Variants in ESF1 observed in about 807,000 individuals in gnomAD.
The protein encoded by ESF1 is ESF1 nucleolar pre-rRNA processing protein.
In ESF1, 58 loss-of-function variants were observed where a neutral mutation model predicts 92.0. The observed-to-expected ratio is 0.63, with a 90% confidence interval of 0.51 to 0.78. The LOEUF is 0.78. ESF1 is among the 30% of genes least tolerant of loss of function. The probability of loss-of-function intolerance (pLI) is 0.00; values close to 1 mark genes in which losing one functional copy is unlikely to be tolerated. For missense variants in ESF1, 922 were observed against 989.1 expected (o/e 0.93, Z 0.91); for synonymous variants, 321 against 313.7 (o/e 1.02, Z -0.24).
chr20:13,719,107 T>G, intron 11 of ESF1, 123 bp from the exon 12 acceptor site: 1 of 606,366 alleles, frequency 1.6e-6, no homozygotes, highest in Non-Finnish European at 2.6e-6. Flanking sequence ...GTGTTGAAAC[T>G]AAAAGAAAAA....
chr20:13,768,623 G>A (rs922041600), intron 7 of ESF1, among the ~76,000 whole-genome samples: 6 of 150,704 alleles, frequency 4.0e-5, no homozygotes, highest in East Asian at 2.0e-4. Flanking sequence ...GGGGCCAGGC[G>A]CAGTGGCTCA....
At chr20:13,730,613 T>C (rs1275828627) in intron 10 of ESF1, among the ~76,000 whole-genome samples, 5 of 151,564 alleles carry the variant, frequency 3.3e-5, no homozygotes, top group African/African-American at 9.7e-5. Context: ...CTTGATCTCC[T>C]GACCTTGTGA....
intron 8 of ESF1, among the ~76,000 whole-genome samples, chr20:13,761,384 A>T (rs1055735484): frequency 2.0e-5 from 3 of 149,744 alleles, no homozygotes; most frequent in East Asian, 3.9e-4. Flanking sequence ...CAATTAAAAA[A>T]AAATAAATAA....
chr20:13,715,248 T>C, intron 13 of ESF1, 81 bp from the exon 14 acceptor site: 1 of 1,331,992 alleles, frequency 7.5e-7, no homozygotes, highest in Non-Finnish European at 9.9e-7. Context: ...GGGGCCAAAT[T>C]TCGAAAGTTG....
At chr20:13,738,752 A>G (rs2049992283) in intron 9 of ESF1, among the ~76,000 whole-genome samples, 2 of 152,188 alleles carry the variant, frequency 1.3e-5, no homozygotes, top group African/African-American at 4.8e-5. Flanking sequence ...CCATGAGGGC[A>G]AAGGTCATAG....
At chr20:13,722,881 A>G (rs963702735) in intron 11 of ESF1, among the ~76,000 whole-genome samples, 1 of 152,056 alleles carries the variant, frequency 6.6e-6, no homozygotes, top group Non-Finnish European at 1.5e-5. Context: ...AAAAGAAACT[A>G]CATCTCCTGG....
intron 13 of ESF1, among the ~76,000 whole-genome samples, chr20:13,716,642 C>CTTTTTTTTTT (rs1274212917): frequency 7.5e-6 from 1 of 132,880 alleles, no homozygotes; most frequent in Non-Finnish European, 1.6e-5. Context: ...CTTTTTTTTT[C>CTTTTTTTTTT]TTTTTTTTTT....
intron 2 of ESF1, among the ~76,000 whole-genome samples, chr20:13,777,939 A>C (rs893677330): frequency 2.0e-5 from 3 of 152,236 alleles, no homozygotes; most frequent in Non-Finnish European, 4.4e-5. Context: ...ATATTTACTG[A>C]GTATCTACTA....
chr20:13,737,487 C>T (rs1239822977), intron 9 of ESF1, among the ~76,000 whole-genome samples: 1 of 152,190 alleles, frequency 6.6e-6, no homozygotes, highest in Non-Finnish European at 1.5e-5. Context: ...CTATAATCGG[C>T]TTTGGTTATA....
intron 9 of ESF1, among the ~76,000 whole-genome samples, chr20:13,752,373 C>G (rs1015386931): frequency 1.3e-5 from 2 of 152,220 alleles, no homozygotes; most frequent in Non-Finnish European, 2.9e-5. Context: ...CCACCAAAAT[C>G]TGAGGCAAAC....
In ESF1 at chr20:13,782,646, A is replaced by AT. The variant is rs775532281; in HGVS notation, c.494dup (p.Asn165LysfsTer2). 1 of 1,605,652 alleles carries AT rather than the reference A, an allele frequency of 6.2e-7. No homozygotes were observed. The highest frequency in any genetic ancestry group is 1.3e-5 in the African/African-American group (1 of 74,340). ...GAACAATGTTTTTTTTCTCTTTCTT[A>AT]TTTTTTTGTGTAAATTCTTTGCTAT... On this transcript the variant is annotated frameshift_variant, in exon 2 of 14. Transcript: ENST00000617257. LOFTEE classifies it high-confidence loss of function.
intron 3 of ESF1, 126 bp from the exon 4 acceptor site, chr20:13,775,396 T>C (rs1979884935): frequency 1.8e-6 from 1 of 569,852 alleles, no homozygotes; most frequent in African/African-American, 1.9e-5. Context: ...AGGAGTTATC[T>C]AAGCGTAATT....
At chr20:13,777,408 T>G (rs1273189484) in intron 2 of ESF1, among the ~76,000 whole-genome samples, 2 of 152,056 alleles carry the variant, frequency 1.3e-5, no homozygotes, top group East Asian at 3.9e-4. Flanking sequence ...TGGAGGGAAA[T>G]CATGAGTTCA....
At chr20:13,722,411 A>G (rs775172543) in intron 11 of ESF1, among the ~76,000 whole-genome samples, 2 of 152,222 alleles carry the variant, frequency 1.3e-5, no homozygotes, top group African/African-American at 2.4e-5. Flanking sequence ...AAATATTAAG[A>G]GATCACATCT....
chr20:13,770,640 G>A (rs1979641899), intron 6 of ESF1, among the ~76,000 whole-genome samples: 1 of 152,194 alleles, frequency 6.6e-6, no homozygotes, highest in African/African-American at 2.4e-5. Context: ...GAGCTACTAT[G>A]CCCAGCTGGC....
At chr20:13,770,058 C>T (rs555463230) in intron 6 of ESF1, 37 bp from the exon 7 acceptor site, 2 of 1,235,184 alleles carry the variant, frequency 1.6e-6, no homozygotes, top group Non-Finnish European at 2.3e-6. Flanking sequence ...TTAAAATACG[C>T]TGCAGTGATA....
chr20:13,755,724 G>T (rs1978862630), intron 9 of ESF1, among the ~76,000 whole-genome samples: 1 of 152,020 alleles, frequency 6.6e-6, no homozygotes, highest in African/African-American at 2.4e-5. Context: ...CTAAAATATT[G>T]ATAGAAAGAG....
At chr20:13,752,780 C>T (rs187023219) in intron 9 of ESF1, among the ~76,000 whole-genome samples, 1 of 152,016 alleles carries the variant, frequency 6.6e-6, no homozygotes, top group African/African-American at 2.4e-5. Context: ...CAGGGGAGGA[C>T]GAAGGATAAA....
At chr20:13,759,605 C>A in intron 9 of ESF1, 87 bp downstream of exon 9, 1 of 1,503,412 alleles carries the variant, frequency 6.7e-7, no homozygotes, top group East Asian at 2.5e-5. Context: ...AGGTCCTCAC[C>A]AAAACATTTC....
Sources: gnomAD v4.1 joint callset for allele counts (sites outside exome capture counted in the v4.1 genomes callset) on GRCh38, gnomAD v4.1.1 for gene constraint, MANE v1.5 for transcripts, NCBI Gene and HGNC (gene_info 2026-07-23, HGNC 2026-07-21) for gene names.